Variants in APPL1 observed in about 807,000 individuals in gnomAD.
APPL1 encodes DCC-interacting protein 13-alpha.
In APPL1, 42 loss-of-function variants were observed where a neutral mutation model predicts 106.8. That is an observed-to-expected ratio of 0.39 (90% confidence interval 0.31 to 0.51). The LOEUF is 0.51. APPL1 is among the 20% of genes least tolerant of loss of function. The pLI is 0.75. For synonymous variants in APPL1, 263 were observed against 281.8 expected, an observed-to-expected ratio of 0.93 and a Z score of 0.67; for missense variants, 769 against 858.2, an observed-to-expected ratio of 0.90 and a Z score of 1.30.
intron 7 of APPL1, among the ~76,000 whole-genome samples, chr3:57,245,042 G>A (rs1461154382): frequency 6.6e-6 from 1 of 152,108 alleles, no homozygotes; most frequent in African/African-American, 2.4e-5. Flanking sequence ...CAGGTTTTGT[G>A]TACAAAACTA....
At chr3:57,256,592 T>TG (rs1470128975) in intron 13 of APPL1, among the ~76,000 whole-genome samples, 3 of 152,228 alleles carry the variant, frequency 2.0e-5, no homozygotes, top group African/African-American at 7.2e-5. Flanking sequence ...TGCCAGGCAC[T>TG]GGGCTGCATG....
At position 57,269,761 on chromosome 3, in the gene APPL1, A is replaced by AT. The variant is rs2060923171; in HGVS notation, c.*75dup. On this transcript the variant is annotated 3_prime_UTR_variant, in exon 22 of 22. Coordinates refer to ENST00000288266, the MANE Select transcript of APPL1 (RefSeq NM_012096.3). ...GGTGAAATGGCAGAAGGTAACAACT[A>AT]TGTTGAAATATCAAGGAGGAGATTA... 1 of 1,484,660 alleles carries AT rather than the reference A, an allele frequency of 6.7e-7. No individual in the cohort carries two copies. The highest frequency in any genetic ancestry group is 9.3e-7 in the Non-Finnish European group (1 of 1,075,378). 92.0% of individuals were successfully genotyped at this position (1,484,660 alleles called of 1,614,324 possible).
At chr3:57,251,045 G>C (rs1470098966) in intron 11 of APPL1, among the ~76,000 whole-genome samples, 1 of 148,044 alleles carries the variant, frequency 6.8e-6, no homozygotes, top group East Asian at 2.0e-4. Flanking sequence ...CTGACCTCGT[G>C]ATCCGCCCGC....
At position 57,227,827 on chromosome 3, in the gene APPL1, G is replaced by A. The variant is rs951603726; in HGVS notation, c.-57G>A. 2 of 1,396,778 alleles carry A rather than the reference G, an allele frequency of 1.4e-6. No homozygotes were observed. Among genetic ancestry groups the A allele is most frequent in the Non-Finnish European group, 1.9e-6 (2 of 1,061,430 alleles). 86.5% of individuals were successfully genotyped at this position (1,396,778 alleles called of 1,614,324 possible). ...GGGGTCAGCTGCGGCGGGCGGGCCGGCGCGGGGAGCTGTGGGCGGCAGCTG... is the reference window on the plus strand; with the variant it reads ...GGGGTCAGCTGCGGCGGGCGGGCCGACGCGGGGAGCTGTGGGCGGCAGCTG... On this transcript the variant is annotated 5_prime_UTR_variant, in exon 1 of 22. Transcript: ENST00000288266.
At position 57,227,792 on chromosome 3, in the gene APPL1, A is replaced by G. The variant is rs2060659337; in HGVS notation, c.-92A>G. The G allele has an allele frequency of 8.7e-7, 1 of 1,143,870 alleles. No individual in the cohort carries two copies. The highest frequency in any genetic ancestry group is 1.2e-6 in the Non-Finnish European group (1 of 861,936). The allele number at this position is 1,143,870 out of a possible 1,614,324, so 70.9% of individuals were successfully genotyped here. The stretch of plus-strand genomic sequence containing the variant: ...GGGACGGCTGCAGCCCTTGCCGGAG[A>G]GGGCGGGCCGGGGTCAGCTGCGGCG... On this transcript the variant is annotated 5_prime_UTR_variant, in exon 1 of 22. Coordinates refer to ENST00000288266, the MANE Select transcript of APPL1 (RefSeq NM_012096.3).
At chr3:57,236,330 C>CTT (rs1359304100) in intron 2 of APPL1, among the ~76,000 whole-genome samples, 4 of 133,810 alleles carry the variant, frequency 3.0e-5, no homozygotes, top group Non-Finnish European at 4.9e-5. Flanking sequence ...ACCCAGCCCC[C>CTT]TTTTTTTTTT....
At chr3:57,269,045 A>G (rs757789577) in intron 21 of APPL1, 21 of 155,608 alleles carry the variant, frequency 1.3e-4, no homozygotes, top group Admixed American at 5.1e-4. Flanking sequence ...CTTAGAACAG[A>G]TCAATAAGCA....
At chr3:57,249,677 T>A in intron 11 of APPL1, 129 bp downstream of exon 11, 1 of 813,368 alleles carries the variant, frequency 1.2e-6, no homozygotes, top group Non-Finnish European at 1.8e-6. Flanking sequence ...AATTGCTTTT[T>A]AATCTTGTAG....
Position 57,270,493 on chromosome 3 carries a change from CAAGT to C in APPL1, c.*809_*812del, listed in dbSNP as rs780022277. The C allele has an allele frequency of 6.6e-5, 10 of 152,502 alleles. No homozygotes were observed. The highest frequency in any genetic ancestry group is 1.3e-4 in the Non-Finnish European group (9 of 68,012). The allele number at this position is 152,502 out of a possible 1,614,324, so 9.4% of individuals were successfully genotyped here. A position where few individuals can be genotyped will look rare whatever the true frequency, so the allele number is the denominator to read the frequency against. On this transcript the variant is annotated 3_prime_UTR_variant, in exon 22 of 22. Transcript: ENST00000288266. ...TCAATACATTTTAGATTAGGATTGA[CAAGT>C]AAAGATACTGCTATGGAATGATACA...
intron 6 of APPL1, among the ~76,000 whole-genome samples, 184 bp from the exon 7 acceptor site, chr3:57,242,672 T>G (rs1354997888): frequency 2.6e-5 from 4 of 152,154 alleles, no homozygotes; most frequent in African/African-American, 9.7e-5. Flanking sequence ...AAAAACCAAT[T>G]TGAGAAGTAG....
At chr3:57,245,148 A>G (rs1299601950) in intron 7 of APPL1, among the ~76,000 whole-genome samples, 1 of 152,148 alleles carries the variant, frequency 6.6e-6, no homozygotes. Flanking sequence ...GAGGGAGGAG[A>G]TAAAATTTGT....
In APPL1 at chr3:57,253,676, T is replaced by C. The variant is rs755976673; in HGVS notation, c.1096-6T>C. 3.6e-5 allele frequency: 51 copies of C among 1,426,380 alleles called. No individual in the cohort carries two copies. The Middle Eastern group carries it at 5.5e-4, about 15-fold the overall frequency. 88.4% of individuals were successfully genotyped at this position (1,426,380 alleles called of 1,614,324 possible). A position where few individuals can be genotyped will look rare whatever the true frequency, so the allele number is the denominator to read the frequency against. On this transcript the variant is annotated splice_region_variant and splice_polypyrimidine_tract_variant and intron_variant, in intron 12 of 21. Transcript: ENST00000288266. Reference sequence around the variant, plus strand: ...AATTATATTTTTCTATTTTTTCCTCTTGCAGTGGATCTGTACAATAAACAA... The same window carrying C: ...AATTATATTTTTCTATTTTTTCCTCCTGCAGTGGATCTGTACAATAAACAA...
intron 5 of APPL1, 126 bp downstream of exon 5, chr3:57,240,678 C>G: frequency 1.3e-6 from 1 of 771,636 alleles, no homozygotes; most frequent in Admixed American, 2.3e-5. Flanking sequence ...GCTCAGTTAC[C>G]AAACATTTAT....
Position 57,257,323 on chromosome 3 carries a change from C to G in APPL1, c.1325C>G (p.Ser442Cys). Residue 442 changes from serine to cysteine, a missense_variant, in exon 15 of 22, where the codon TCT (serine) becomes TGT (cysteine). Coordinates refer to ENST00000288266, the MANE Select transcript of APPL1 (RefSeq NM_012096.3). Reference protein sequence around the residue: ...GSESTNLAALSLDSLVAPDTP... With the variant: ...GSESTNLAALCLDSLVAPDTP... ...GAGTCTACAAATTTGGCTGCCCTCT[C>G]TCTAGATTCTCTTGTTGCCCCAGAC... is the stretch of plus-strand genomic sequence containing the variant. 1 of 1,614,150 alleles carries G rather than the reference C, an allele frequency of 6.2e-7. No homozygotes were observed. The highest frequency in any genetic ancestry group is 1.1e-5 in the South Asian group (1 of 91,074).
At chr3:57,255,989 T>G (rs933331633) in intron 13 of APPL1, among the ~76,000 whole-genome samples, 1 of 152,212 alleles carries the variant, frequency 6.6e-6, no homozygotes, top group Non-Finnish European at 1.5e-5. Flanking sequence ...TTTTTAGCAT[T>G]GTATTAGTCA....
intron 8 of APPL1, among the ~76,000 whole-genome samples, chr3:57,247,035 T>A (rs2060777659): frequency 6.6e-6 from 1 of 152,066 alleles, no homozygotes; most frequent in African/African-American, 2.4e-5. Context: ...AAAGAGTACT[T>A]TACTGATTAT....
At position 57,270,127 on chromosome 3, in the gene APPL1, C is replaced by G. The variant is rs1182953332; in HGVS notation, c.*440C>G. 1 of 153,210 alleles carries G rather than the reference C, an allele frequency of 6.5e-6. No individual in the cohort carries two copies. The highest frequency in any genetic ancestry group is 2.4e-5 in the African/African-American group (1 of 41,448). 9.5% of individuals were successfully genotyped at this position (153,210 alleles called of 1,614,324 possible). ...CATTTAGCTGAATAAGTTTAAAGCC[C>G]TTTATACAGAGAATTCTACAAGTTT... is the stretch of plus-strand genomic sequence containing the variant. On this transcript the variant is annotated 3_prime_UTR_variant, in exon 22 of 22. Transcript: ENST00000288266.
chr3:57,237,580 A>G (rs748171864), intron 3 of APPL1, 29 bp downstream of exon 3: 5 of 1,485,674 alleles, frequency 3.4e-6, no homozygotes, highest in Non-Finnish European at 3.7e-6. Context: ...TTAAAAGCAT[A>G]ATTTTAAAAG....
chr3:57,258,926 CTTT>C, intron 15 of APPL1, 99 bp from the exon 16 acceptor site: 1 of 732,356 alleles, frequency 1.4e-6, no homozygotes. Context: ...CATTTTAGAG[CTTT>C]TTTTTTTTAA....
Sources: gnomAD v4.1 joint callset for allele counts (sites outside exome capture counted in the v4.1 genomes callset) on GRCh38, gnomAD v4.1.1 for gene constraint, MANE v1.5 for transcripts, NCBI Gene and HGNC (gene_info 2026-07-23, HGNC 2026-07-21) for gene names.